Variants in SUN3 observed in about 807,000 individuals in gnomAD.
SUN3 encodes SUN domain-containing protein 3.
In SUN3, 36 loss-of-function variants were observed where a neutral mutation model predicts 48.2. The observed-to-expected ratio is 0.75, with a 90% CI of 0.57 to 0.99. The LOEUF is 0.99. Ranked by LOEUF, SUN3 falls within the 50% of genes least tolerant of loss-of-function variation. The probability of loss-of-function intolerance (pLI) is 0.00; values close to 1 mark genes in which losing one functional copy is unlikely to be tolerated. For synonymous variants in SUN3, 148 were observed against 147.9 expected (o/e 1.00, Z 0.00); for missense variants, 419 against 433.1 (o/e 0.97, Z 0.29).
At chr7:48,035,696 C>T in the SUN3 span, 1 of 597,988 alleles carries the variant, frequency 1.7e-6, no homozygotes, top group South Asian at 1.9e-5. The surrounding 1 kb of genome is among the most constrained non-coding windows in gnomAD (Gnocchi z 4.0). Context: ...GTCCACTGTG[C>T]GGAGCTCGCA....
chr7:48,001,498 T>C (rs1235706786), intron 6 of SUN3, among the ~76,000 whole-genome samples: 1 of 151,854 alleles, frequency 6.6e-6, no homozygotes, highest in Non-Finnish European at 1.5e-5. Flanking sequence ...TGATCAGCAT[T>C]TAGGTTGGTT....
At chr7:48,025,460 T>A (rs1790109253) in intron 2 of SUN3, among the ~76,000 whole-genome samples, 1 of 152,148 alleles carries the variant, frequency 6.6e-6, no homozygotes, top group Non-Finnish European at 1.5e-5. Context: ...GATACGAAAC[T>A]ACAAACTGCA....
At chr7:48,012,917 C>T (rs1472339810) in intron 3 of SUN3, among the ~76,000 whole-genome samples, 3 of 152,180 alleles carry the variant, frequency 2.0e-5, no homozygotes, top group South Asian at 2.1e-4. Flanking sequence ...CCTCCTACCA[C>T]GTGAAGACAC....
intron 7 of SUN3, among the ~76,000 whole-genome samples, chr7:47,995,230 TGAG>T (rs1213662391): frequency 2.1e-5 from 3 of 141,888 alleles, no homozygotes; most frequent in Non-Finnish European, 3.1e-5. Context: ...AGAAAGATGG[TGAG>T]GTGGTGGTGG....
At chr7:48,022,510 T>C (rs544714413) in intron 2 of SUN3, among the ~76,000 whole-genome samples, 1 of 152,118 alleles carries the variant, frequency 6.6e-6, no homozygotes, top group South Asian at 2.1e-4. Context: ...CATGCCTGTA[T>C]CAAAACATCT....
chr7:48,032,001 G>A (rs1294579356), upstream of SUN3, among the ~76,000 whole-genome samples: 2 of 152,214 alleles, frequency 1.3e-5, no homozygotes, highest in Non-Finnish European at 2.9e-5. Flanking sequence ...AAATAAACCA[G>A]ACACAGATAG....
intron 8 of SUN3, among the ~76,000 whole-genome samples, chr7:47,991,827 A>C (rs1365727591): frequency 2.0e-5 from 3 of 152,086 alleles, no homozygotes; most frequent in Non-Finnish European, 4.4e-5. Flanking sequence ...AAAGGAGCCC[A>C]AATCTGCGGC....
At chr7:48,005,222 T>A (rs1789491793) in intron 6 of SUN3, among the ~76,000 whole-genome samples, 1 of 152,192 alleles carries the variant, frequency 6.6e-6, no homozygotes, top group Non-Finnish European at 1.5e-5. Context: ...TCCCATCTTG[T>A]CCCCAACACT....
chr7:47,999,513 T>TCC (rs1261140181), intron 6 of SUN3, among the ~76,000 whole-genome samples: 3 of 152,138 alleles, frequency 2.0e-5, no homozygotes, highest in Non-Finnish European at 2.9e-5. Flanking sequence ...TTTTTTTAAA[T>TCC]ATTAGTTGAA....
chr7:48,010,773 GAC>G (rs1439155285), intron 3 of SUN3, among the ~76,000 whole-genome samples: 1 of 152,132 alleles, frequency 6.6e-6, no homozygotes, highest in Non-Finnish European at 1.5e-5. Context: ...TGGGGCTCTT[GAC>G]ACACATGACC....
chr7:47,996,537 C>T (rs999896631), intron 6 of SUN3, among the ~76,000 whole-genome samples: 3 of 152,080 alleles, frequency 2.0e-5, no homozygotes, highest in Non-Finnish European at 4.4e-5. Flanking sequence ...AGCAGAAAAC[C>T]AACAATGCTC....
intron 6 of SUN3, 97 bp from the exon 7 acceptor site, chr7:47,996,243 G>A (rs1789208261): frequency 3.0e-6 from 2 of 676,344 alleles, no homozygotes; most frequent in Admixed American, 3.3e-5. Flanking sequence ...AATTATTACT[G>A]GGCAAATTAT....
At chr7:47,987,519 A>G in intron 9 of SUN3, 70 bp from the exon 10 acceptor site, 1 of 1,354,394 alleles carries the variant, frequency 7.4e-7, no homozygotes, top group Non-Finnish European at 9.7e-7. Flanking sequence ...ATGAATACTG[A>G]TATAATTTTA....
chr7:48,018,302 T>G (rs1789869406), intron 2 of SUN3, among the ~76,000 whole-genome samples: 1 of 152,034 alleles, frequency 6.6e-6, no homozygotes, highest in African/African-American at 2.4e-5. Flanking sequence ...CAAGGAAATA[T>G]GTGAGAAATC....
chr7:47,992,319 C>A (rs1253224800), intron 8 of SUN3, among the ~76,000 whole-genome samples: 1 of 151,968 alleles, frequency 6.6e-6, no homozygotes, highest in African/African-American at 2.4e-5. Context: ...GACCCGGAAG[C>A]GAGCAGAAGA....
intron 8 of SUN3, 95 bp downstream of exon 8, chr7:47,994,220 T>G (rs1466171050): frequency 8.8e-7 from 1 of 1,131,314 alleles, no homozygotes; most frequent in Non-Finnish European, 1.3e-6. Context: ...GTGACACAAC[T>G]AGTTATCTGT....
intron 6 of SUN3, among the ~76,000 whole-genome samples, chr7:47,997,079 C>T (rs1434190949): frequency 6.6e-6 from 1 of 152,060 alleles, no homozygotes; most frequent in South Asian, 2.1e-4. Flanking sequence ...GGATTACAGG[C>T]GTGAGCCACC....
chr7:48,010,574 A>G (rs77446130), intron 3 of SUN3, among the ~76,000 whole-genome samples: 3,960 of 152,252 alleles, frequency 0.026, 165 homozygotes, highest in African/African-American at 0.09. Context: ...CAAGCAATCA[A>G]TTCCCTTGGG....
Position 47,998,646 on chromosome 7 carries a change from C to T in SUN3, c.578-2500G>A, listed in dbSNP as rs112336763. Among the ~76,000 whole-genome samples, 463 of 152,024 alleles carry T rather than the reference C, an allele frequency of 3.0e-3. 6 individuals are homozygous for T. The highest frequency in any genetic ancestry group is 0.01 in the African/African-American group (426 of 41,492). On this transcript the variant is annotated intron_variant, in intron 6 of 9. Coordinates refer to ENST00000297325, the MANE Select transcript of SUN3 (RefSeq NM_001030019.2). ...AACTTTTTCTAACTCTAAAAAATTTCGCTTATTTTTTTTTCTAGCTTTAAG... is the reference window on the plus strand; with the variant it reads ...AACTTTTTCTAACTCTAAAAAATTTTGCTTATTTTTTTTTCTAGCTTTAAG...
Sources: gnomAD v4.1 joint callset for allele counts (sites outside exome capture counted in the v4.1 genomes callset) on GRCh38, gnomAD v4.1.1 for gene constraint, Gnocchi (gnomAD v3.1) non-coding constraint, MANE v1.5 for transcripts, NCBI Gene and HGNC (gene_info 2026-07-23, HGNC 2026-07-21) for gene names.